NXPE2: variants seen among roughly 807,000 people sequenced by gnomAD.
NXPE2 encodes NXPE family member 2.
In NXPE2, 34 loss-of-function variants were observed where a neutral mutation model predicts 34.4. The observed-to-expected ratio is 0.99, with a 90% CI of 0.75 to 1.31. The LOEUF (loss-of-function observed/expected upper bound fraction) is 1.31. Among genes scored for constraint, NXPE2 ranks in the 40% most tolerant of loss-of-function variants. The pLI is 0.00. For missense variants in NXPE2, 649 were observed against 672.5 expected, an observed-to-expected ratio of 0.97 and a Z score of 0.39; for synonymous variants, 235 against 231.3, an observed-to-expected ratio of 1.02 and a Z score of -0.15.
the NXPE2 span, among the ~76,000 whole-genome samples, chr11:114,497,684 C>T: frequency 6.6e-6 from 1 of 152,158 alleles, no homozygotes; most frequent in Non-Finnish European, 1.5e-5. Context: ...AACAACATTG[C>T]TTGATGCATT....
At chr11:114,619,867 A>T in the NXPE2 span, among the ~76,000 whole-genome samples, 1 of 150,980 alleles carries the variant, frequency 6.6e-6, no homozygotes, top group Non-Finnish European at 1.5e-5. Context: ...CTGGATAACA[A>T]GTGTTGCCTC....
the NXPE2 span, among the ~76,000 whole-genome samples, chr11:114,603,911 G>T: frequency 6.7e-6 from 1 of 150,298 alleles, no homozygotes; most frequent in Non-Finnish European, 1.5e-5. Flanking sequence ...GTCTCCAAGG[G>T]TAACTGCTAA....
the NXPE2 span, among the ~76,000 whole-genome samples, chr11:114,771,607 C>T: frequency 6.6e-6 from 1 of 152,090 alleles, no homozygotes; most frequent in African/African-American, 2.4e-5. Context: ...TTCACTCAGT[C>T]CTCGTGAGTG....
chr11:114,691,213 T>C (rs1440866780), intron 2 of NXPE2, among the ~76,000 whole-genome samples: 1 of 152,202 alleles, frequency 6.6e-6, no homozygotes, highest in South Asian at 2.1e-4. Flanking sequence ...ACACTTCTTT[T>C]CTTCCCTTTG....
At chr11:114,567,402 C>T in the NXPE2 span, among the ~76,000 whole-genome samples, 3 of 151,720 alleles carry the variant, frequency 2.0e-5, no homozygotes, top group South Asian at 2.1e-4. Context: ...ACTGCAGACC[C>T]GCTCTAGCCT....
At chr11:114,798,829 T>C in the NXPE2 span, among the ~76,000 whole-genome samples, 2 of 152,194 alleles carry the variant, frequency 1.3e-5, no homozygotes, top group Non-Finnish European at 2.9e-5. Flanking sequence ...GATCTTCCTG[T>C]CTTGACTGTG....
chr11:114,803,343 A>G, the NXPE2 span, among the ~76,000 whole-genome samples: 1 of 152,238 alleles, frequency 6.6e-6, no homozygotes, highest in Non-Finnish European at 1.5e-5. Flanking sequence ...CAGTTGGCCT[A>G]TTTAAGATGC....
chr11:114,763,247 G>GA, the NXPE2 span, among the ~76,000 whole-genome samples: 3 of 151,698 alleles, frequency 2.0e-5, no homozygotes, highest in South Asian at 2.1e-4. Context: ...CCCTTGTTTT[G>GA]AAAAAATCCC....
At chr11:114,533,499 C>T in the NXPE2 span, among the ~76,000 whole-genome samples, 41 of 152,284 alleles carry the variant, frequency 2.7e-4, no homozygotes, top group South Asian at 4.1e-4. Flanking sequence ...TCGCCTCACC[C>T]GGGAAGCACA....
the NXPE2 span, among the ~76,000 whole-genome samples, chr11:114,753,785 A>G: frequency 4.6e-5 from 7 of 152,254 alleles, no homozygotes; most frequent in Admixed American, 2.6e-4. Context: ...ATTGAAAAGC[A>G]TTCACATTAA....
chr11:114,570,046 T>C, the NXPE2 span, among the ~76,000 whole-genome samples: 1 of 152,182 alleles, frequency 6.6e-6, no homozygotes, highest in Non-Finnish European at 1.5e-5. Context: ...GTAAGAAATG[T>C]TGTAATGCTG....
chr11:114,537,709 G>A, the NXPE2 span, among the ~76,000 whole-genome samples: 1 of 151,972 alleles, frequency 6.6e-6, no homozygotes, highest in Non-Finnish European at 1.5e-5. Context: ...AAATACCTAG[G>A]AATCCAACTT....
chr11:114,607,159 A>G, the NXPE2 span, among the ~76,000 whole-genome samples: 4 of 150,366 alleles, frequency 2.7e-5, no homozygotes, highest in African/African-American at 9.8e-5. Context: ...AGTATTACCC[A>G]CTGGATAATC....
the NXPE2 span, among the ~76,000 whole-genome samples, chr11:114,557,653 A>G: frequency 9.7e-5 from 6 of 62,084 alleles, no homozygotes; most frequent in Non-Finnish European, 2.0e-4. Flanking sequence ...ATATATATAT[A>G]TATATATATA....
chr11:114,725,976 A>AATAT, the NXPE2 span, among the ~76,000 whole-genome samples: 514 of 101,728 alleles, frequency 5.1e-3, 20 homozygotes, highest in African/African-American at 7.7e-3. Flanking sequence ...ATAAAAAAAA[A>AATAT]ATATATATAT....
the NXPE2 span, among the ~76,000 whole-genome samples, chr11:114,592,986 A>G: frequency 7.2e-5 from 11 of 152,138 alleles, no homozygotes; most frequent in Non-Finnish European, 2.9e-5. Flanking sequence ...CAAAAGAATG[A>G]AATTAGACCA....
the NXPE2 span, among the ~76,000 whole-genome samples, chr11:114,644,404 CTCT>C: frequency 5.9e-5 from 9 of 152,180 alleles, no homozygotes; most frequent in Non-Finnish European, 1.3e-4. Flanking sequence ...TCATAAATTG[CTCT>C]TATTATTTTG....
chr11:114,534,535 G>GA, the NXPE2 span, among the ~76,000 whole-genome samples: 2 of 151,902 alleles, frequency 1.3e-5, no homozygotes, highest in South Asian at 2.1e-4. Flanking sequence ...TAAAAACTTT[G>GA]AAAAAAAATT....
At chr11:114,585,448 CAAATGGAAACCA>C in the NXPE2 span, among the ~76,000 whole-genome samples, 3 of 151,982 alleles carry the variant, frequency 2.0e-5, no homozygotes, top group South Asian at 4.2e-4. Flanking sequence ...ATATTCCATG[CAAATGGAAACCA>C]AAAGAGAGCA....
Sources: gnomAD v4.1 joint callset for allele counts (sites outside exome capture counted in the v4.1 genomes callset) on GRCh38, gnomAD v4.1.1 for gene constraint, MANE v1.5 for transcripts, NCBI Gene and HGNC (gene_info 2026-07-23, HGNC 2026-07-21) for gene names.